GOLGA7: variants seen among roughly 807,000 people sequenced by gnomAD.
GOLGA7 encodes golgin A7.
A neutral mutation model predicts 21.1 loss-of-function variants in GOLGA7; 10 were observed. The observed-to-expected ratio is 0.47, with a 90% CI of 0.29 to 0.80. GOLGA7 has a LOEUF of 0.80. GOLGA7 is among the 30% of genes least tolerant of loss of function. The probability of loss-of-function intolerance (pLI) is 0.08; values close to 1 mark genes in which losing one functional copy is unlikely to be tolerated. For synonymous variants in GOLGA7, 64 were observed against 62.6 expected (o/e 1.02, Z -0.10); for missense variants, 114 against 166.8 (o/e 0.68, Z 1.74).
Position 41,505,922 on chromosome 8 carries a change from A to G in GOLGA7, c.276A>G (p.Lys92=). The stretch of plus-strand genomic sequence containing the variant: ...TTTCTTTCTGTCAGGTTCTGAAGAA[A>G]GTCTCCAAATACATTCAAGAGCAGA... ...METHYEKVLK[K]VSKYIQEQNE... Residue 92 remains lysine, a synonymous_variant, in exon 3 of 5, where the codon AAA becomes AAG. Coordinates refer to ENST00000357743, the MANE Select transcript of GOLGA7 (RefSeq NM_001002296.2). 5.1e-6 allele frequency: 8 copies of G among 1,570,070 alleles called. No homozygotes were observed. Among genetic ancestry groups the G allele is most frequent in the Non-Finnish European group, 6.1e-6 (7 of 1,144,776 alleles).
intron 2 of GOLGA7, among the ~76,000 whole-genome samples, chr8:41,498,100 C>T (rs1482858368): frequency 6.6e-6 from 1 of 152,150 alleles, no homozygotes; most frequent in Non-Finnish European, 1.5e-5. Flanking sequence ...AATAGCACCC[C>T]TGTCTTTTCA....
intron 1 of GOLGA7, among the ~76,000 whole-genome samples, chr8:41,492,904 T>C (rs1805919148): frequency 6.6e-6 from 1 of 152,188 alleles, no homozygotes; most frequent in African/African-American, 2.4e-5. Context: ...CCTTCCACTC[T>C]GTGTGTGGCA....
rs1433569976 is a variant in GOLGA7 at position 41,510,312 on chromosome 8, C to G, written c.*744C>G. The G allele has an allele frequency of 1.3e-5, 2 of 152,548 alleles. No homozygotes were observed. Among genetic ancestry groups the G allele is most frequent in the Admixed American group, 1.3e-4 (2 of 15,254 alleles). 9.4% of individuals were successfully genotyped at this position (152,548 alleles called of 1,614,324 possible). A position where few individuals can be genotyped will look rare whatever the true frequency, so the allele number is the denominator to read the frequency against. ...GATATGATACGTGCTGCTTGTTCAT[C>G]ACAAAAATCAGTAAGCACAATAAAG... On this transcript the variant is annotated 3_prime_UTR_variant, in exon 5 of 5. Transcript: ENST00000357743.
intron 2 of GOLGA7, 142 bp from the exon 3 acceptor site, chr8:41,505,769 A>G (rs372226103): frequency 5.7e-6 from 3 of 525,166 alleles, no homozygotes; most frequent in African/African-American, 2.0e-5. Flanking sequence ...TGAGCCAAGT[A>G]ATCACAGCTG....
Position 41,510,306 on chromosome 8 carries a change from G to A in GOLGA7, c.*738G>A, listed in dbSNP as rs1270838628. On this transcript the variant is annotated 3_prime_UTR_variant, in exon 5 of 5. Coordinates refer to ENST00000357743, the MANE Select transcript of GOLGA7 (RefSeq NM_001002296.2). ...TGGAAAGATATGATACGTGCTGCTT[G>A]TTCATCACAAAAATCAGTAAGCACA... is the stretch of plus-strand genomic sequence containing the variant. 6.6e-6 allele frequency: 1 copy of A among 152,538 alleles called. No homozygotes were observed. The highest frequency in any genetic ancestry group is 2.4e-5 in the African/African-American group (1 of 41,410). The allele number at this position is 152,538 out of a possible 1,614,324, so 9.4% of individuals were successfully genotyped here.
At chr8:41,507,925 A>G (rs1806327228) in intron 4 of GOLGA7, among the ~76,000 whole-genome samples, 1 of 152,224 alleles carries the variant, frequency 6.6e-6, no homozygotes, top group Non-Finnish European at 1.5e-5. Flanking sequence ...AAGCAGACAC[A>G]TGTCTTCCTA....
At chr8:41,495,985 A>G (rs1201193573) in intron 1 of GOLGA7, among the ~76,000 whole-genome samples, 2 of 152,254 alleles carry the variant, frequency 1.3e-5, no homozygotes, top group African/African-American at 2.4e-5. Context: ...ATGTGGAACC[A>G]GAAGTATTTC....
In GOLGA7 at chr8:41,504,882, T is replaced by G. The variant is rs528837825; in HGVS notation, c.265-1029T>G. Reference sequence around the variant, plus strand: ...TATAAGCCACACTTAAATCATTGCTTAATTTCCAACTTTATTTCCATACAC... The same window carrying G: ...TATAAGCCACACTTAAATCATTGCTGAATTTCCAACTTTATTTCCATACAC... On this transcript the variant is annotated intron_variant, in intron 2 of 4. Transcript: ENST00000357743. 2.4e-4 allele frequency among the ~76,000 whole-genome samples: 36 copies of G among 152,352 alleles called. 1 individual carries two copies. The highest frequency in any genetic ancestry group is 1.0e-3 in the South Asian group (5 of 4,828).
Position 41,490,773 on chromosome 8 carries a change from C to G in GOLGA7, c.-82C>G. ...GGGTGGGGGCGAGGGGCTGGCGGGT[C>G]AGAGTCCCGGGTCCAGGCCGGGGCT... On this transcript the variant is annotated 5_prime_UTR_variant, in exon 1 of 5. Transcript: ENST00000357743. 1 of 730,980 alleles carries G rather than the reference C, an allele frequency of 1.4e-6. No homozygotes were observed. The highest frequency in any genetic ancestry group is 1.7e-5 in the South Asian group (1 of 58,088). 45.3% of individuals were successfully genotyped at this position (730,980 alleles called of 1,614,324 possible).
At chr8:41,504,532 G>C (rs1231767367) in intron 2 of GOLGA7, among the ~76,000 whole-genome samples, 1 of 152,064 alleles carries the variant, frequency 6.6e-6, no homozygotes, top group African/African-American at 2.4e-5. Flanking sequence ...AAAATTCTTT[G>C]AATGCTGAAA....
chr8:41,492,741 A>G (rs1049314555), intron 1 of GOLGA7, among the ~76,000 whole-genome samples: 5 of 152,254 alleles, frequency 3.3e-5, no homozygotes, highest in Non-Finnish European at 5.9e-5. Context: ...AAACTATGAC[A>G]TACAATTTAT....
intron 2 of GOLGA7, among the ~76,000 whole-genome samples, chr8:41,504,665 C>T (rs78629058): frequency 0.053 from 8,128 of 152,206 alleles, 308 homozygotes; most frequent in Middle Eastern, 0.13. Context: ...AATAATCTTA[C>T]GCTCTTTTGA....
chr8:41,500,066 T>A (rs1361313782), intron 2 of GOLGA7, among the ~76,000 whole-genome samples: 4 of 152,220 alleles, frequency 2.6e-5, no homozygotes, highest in Non-Finnish European at 4.4e-5. Flanking sequence ...ATTTGTTTGC[T>A]CAGTAACTAT....
rs1192690143 is a variant in GOLGA7 at position 41,510,375 on chromosome 8, G to C, written c.*807G>C. 1.3e-5 allele frequency: 2 copies of C among 152,584 alleles called. No individual in the cohort carries two copies. Among genetic ancestry groups the C allele is most frequent in the Non-Finnish European group, 2.9e-5 (2 of 68,024 alleles). 9.5% of individuals were successfully genotyped at this position (152,584 alleles called of 1,614,324 possible). The stretch of plus-strand genomic sequence containing the variant: ...CATCAGACACATAAATGTTCCCGCT[G>C]TGTCCCTGGATATGGAATAAGCAGG... On this transcript the variant is annotated 3_prime_UTR_variant, in exon 5 of 5. Transcript: ENST00000357743.
chr8:41,494,592 G>A (rs541679819), intron 1 of GOLGA7, among the ~76,000 whole-genome samples: 12 of 152,244 alleles, frequency 7.9e-5, no homozygotes, highest in Admixed American at 6.5e-4. Flanking sequence ...GTCTGTTTTC[G>A]TGAATGAGAA....
At chr8:41,496,804 C>CTTTTTT (rs34657481) in intron 1 of GOLGA7, among the ~76,000 whole-genome samples, 30 of 91,646 alleles carry the variant, frequency 3.3e-4, no homozygotes, top group East Asian at 7.5e-4. Context: ...CAGTTTATTG[C>CTTTTTT]TTTTTTTTTT....
chr8:41,498,518 AACAT>A (rs1295274947), intron 2 of GOLGA7, among the ~76,000 whole-genome samples: 1 of 152,200 alleles, frequency 6.6e-6, no homozygotes, highest in African/African-American at 2.4e-5. Context: ...CTGGTCAGCA[AACAT>A]ACCCACTGTG....
At chr8:41,496,310 C>T (rs542790443) in intron 1 of GOLGA7, among the ~76,000 whole-genome samples, 13 of 151,980 alleles carry the variant, frequency 8.6e-5, no homozygotes, top group African/African-American at 2.9e-4. Flanking sequence ...GTGTTGTGCG[C>T]CTGCATTTTG....
In GOLGA7 at chr8:41,494,026, T is replaced by C. The variant is rs556137258; in HGVS notation, c.111+3061T>C. Reference sequence around the variant, plus strand: ...TACCCTTTATTTCCCTTTTTTAAAATAACCTTTCAAAAACTTGTTGGCATT... The same window carrying C: ...TACCCTTTATTTCCCTTTTTTAAAACAACCTTTCAAAAACTTGTTGGCATT... On this transcript the variant is annotated intron_variant, in intron 1 of 4. Coordinates refer to ENST00000357743, the MANE Select transcript of GOLGA7 (RefSeq NM_001002296.2). Among the ~76,000 whole-genome samples the C allele has an allele frequency of 3.9e-4, 59 of 152,374 alleles. 2 individuals are homozygous for C. In the South Asian group the frequency reaches 0.012, roughly 31 times the overall value.
Sources: gnomAD v4.1 joint callset for allele counts (sites outside exome capture counted in the v4.1 genomes callset) on GRCh38, gnomAD v4.1.1 for gene constraint, MANE v1.5 for transcripts, NCBI Gene and HGNC (gene_info 2026-07-23, HGNC 2026-07-21) for gene names.